The following PTPRD variants were observed in gnomAD, a reference collection of about 807,000 sequenced individuals.
PTPRD encodes receptor-type tyrosine-protein phosphatase delta.
Under a neutral mutation model 214.5 loss-of-function variants are expected in PTPRD, and 34 were observed. The ratio of observed to expected loss-of-function variants is 0.16; its 90% CI spans 0.12 to 0.21. The LOEUF is 0.21. Among genes scored for constraint, PTPRD ranks in the 10% least tolerant of loss-of-function variants. PTPRD has a pLI of 1.00. For missense variants in PTPRD, 2,545 were observed against 2,398.7 expected (o/e 1.06, Z -1.27); for synonymous variants, 1,128 against 845.7 (o/e 1.33, Z -5.79).
chr9:8,989,365 G>T, intron 11 of PTPRD, among the ~76,000 whole-genome samples: 1 of 151,622 alleles, frequency 6.6e-6, no homozygotes, highest in Non-Finnish European at 1.5e-5. Context: ...TCCTCCTTCC[G>T]CTTTTGCTTC....
At chr9:9,236,036 G>A (rs1323838941) in intron 9 of PTPRD, among the ~76,000 whole-genome samples, 2 of 152,118 alleles carry the variant, frequency 1.3e-5, no homozygotes, top group African/African-American at 4.8e-5. Context: ...GGCTGAGGCA[G>A]GTGGATCACC....
At chr9:8,368,819 T>C (rs1378689268) in intron 39 of PTPRD, among the ~76,000 whole-genome samples, 1 of 152,032 alleles carries the variant, frequency 6.6e-6, no homozygotes, top group Non-Finnish European at 1.5e-5. Flanking sequence ...AAACTACGCA[T>C]TTGCTTCTTA....
At chr9:9,578,779 C>CA (rs1027710394) in intron 7 of PTPRD, among the ~76,000 whole-genome samples, 1 of 151,852 alleles carries the variant, frequency 6.6e-6, no homozygotes, top group Non-Finnish European at 1.5e-5. Flanking sequence ...GAATAAACTA[C>CA]AAAAAAATCT....
At chr9:8,515,444 C>T (rs2097766677) in intron 21 of PTPRD, among the ~76,000 whole-genome samples, 2 of 152,086 alleles carry the variant, frequency 1.3e-5, no homozygotes, top group African/African-American at 4.8e-5. Context: ...TATTGCATCC[C>T]ACAAAAATCC....
At chr9:10,025,882 C>G (rs2096913824) in intron 4 of PTPRD, among the ~76,000 whole-genome samples, 1 of 152,088 alleles carries the variant, frequency 6.6e-6, no homozygotes, top group Non-Finnish European at 1.5e-5. Context: ...TTCAACCTCA[C>G]CACTTGAGAA....
At chr9:9,123,970 C>A (rs185011014) in intron 10 of PTPRD, among the ~76,000 whole-genome samples, 12 of 147,426 alleles carry the variant, frequency 8.1e-5, no homozygotes, top group African/African-American at 2.8e-4. Flanking sequence ...GACCAGTGGG[C>A]AGCTATTGGT....
At chr9:10,136,652 T>TTTG (rs2098946478) in intron 3 of PTPRD, among the ~76,000 whole-genome samples, 1 of 85,998 alleles carries the variant, frequency 1.2e-5, no homozygotes, top group East Asian at 3.9e-4. Context: ...AAGGACTTCA[T>TTTG]GTCCAAAACA....
chr9:9,177,683 G>A (rs761317556), intron 10 of PTPRD, among the ~76,000 whole-genome samples: 5 of 152,004 alleles, frequency 3.3e-5, no homozygotes, highest in Non-Finnish European at 7.4e-5. Flanking sequence ...AATTGTTAAT[G>A]CTTAATCCTA....
At chr9:9,264,877 G>A (rs1173033437) in intron 9 of PTPRD, among the ~76,000 whole-genome samples, 7 of 145,200 alleles carry the variant, frequency 4.8e-5, no homozygotes, top group Non-Finnish European at 1.1e-4. Flanking sequence ...AAAGTGGAAT[G>A]ACGTATTCAA....
chr9:8,528,530 G>A (rs756530669), intron 15 of PTPRD, 61 bp downstream of exon 15: 2 of 1,340,134 alleles, frequency 1.5e-6, no homozygotes, highest in African/African-American at 3.0e-5. Flanking sequence ...AAAATAAGGA[G>A]AGAGAAAAAT....
chr9:9,710,738 T>C (rs2097710081), intron 7 of PTPRD, among the ~76,000 whole-genome samples: 2 of 152,186 alleles, frequency 1.3e-5, no homozygotes, highest in South Asian at 4.1e-4. Context: ...TCTGAGTTGA[T>C]CCAGAAAGTT....
At chr9:9,179,186 T>A (rs906459483) in intron 10 of PTPRD, among the ~76,000 whole-genome samples, 1 of 152,104 alleles carries the variant, frequency 6.6e-6, no homozygotes, top group Admixed American at 6.6e-5. Context: ...AGACTAGACC[T>A]ACTTACATGA....
chr9:8,497,079 A>T (rs759046955), intron 26 of PTPRD, among the ~76,000 whole-genome samples, 163 bp downstream of exon 26: 1 of 152,174 alleles, frequency 6.6e-6, no homozygotes, highest in Non-Finnish European at 1.5e-5. Flanking sequence ...CAAAACAAAA[A>T]CCAAAATAAA....
chr9:10,226,161 A>G (rs1022820015), intron 3 of PTPRD, among the ~76,000 whole-genome samples: 2 of 151,956 alleles, frequency 1.3e-5, no homozygotes, highest in African/African-American at 4.8e-5. Context: ...GATCCCCCCA[A>G]AATTGTACCT....
intron 12 of PTPRD, among the ~76,000 whole-genome samples, chr9:8,688,818 C>T (rs2097746846): frequency 6.6e-6 from 1 of 152,142 alleles, no homozygotes; most frequent in African/African-American, 2.4e-5. Context: ...CATTCAGTCT[C>T]AATTTTCTCA....
At position 8,647,748 on chromosome 9, in the gene PTPRD, C is replaced by T. The variant is rs149024366; in HGVS notation, c.65-10904G>A. On this transcript the variant is annotated intron_variant, in intron 12 of 45. Transcript: ENST00000381196. ...TCATATATTCATAGCAGCAATGTGTCAGAATGTCCAATTACCTAGACCACT... is the reference window on the plus strand; with the variant it reads ...TCATATATTCATAGCAGCAATGTGTTAGAATGTCCAATTACCTAGACCACT... Among the ~76,000 whole-genome samples the T allele has an allele frequency of 4.9e-4, 75 of 152,292 alleles. 1 individual carries two copies. Among genetic ancestry groups the T allele is most frequent in the African/African-American group, 1.8e-3 (73 of 41,578 alleles).
chr9:10,415,462 T>C (rs565252183), intron 2 of PTPRD, among the ~76,000 whole-genome samples: 62 of 152,054 alleles, frequency 4.1e-4, no homozygotes, highest in African/African-American at 1.4e-3. Flanking sequence ...CATTTTAATA[T>C]TTCCTAAAAT....
intron 2 of PTPRD, among the ~76,000 whole-genome samples, chr9:10,485,990 C>T (rs777971711): frequency 1.4e-4 from 21 of 150,738 alleles, no homozygotes; most frequent in Admixed American, 2.6e-4. Context: ...TGTCTTCTTT[C>T]GAGGAGTGTC....
At chr9:8,725,800 C>T (rs1435592799) in intron 12 of PTPRD, among the ~76,000 whole-genome samples, 1 of 152,094 alleles carries the variant, frequency 6.6e-6, no homozygotes, top group East Asian at 1.9e-4. Flanking sequence ...AATTATACAG[C>T]AGAAGCAGGA....
Sources: allele counts gnomAD v4.1 joint callset (sites outside exome capture counted in the v4.1 genomes callset), GRCh38; gene constraint gnomAD v4.1.1; transcripts MANE v1.5; gene names NCBI Gene and HGNC (gene_info 2026-07-23, HGNC 2026-07-21).